GRB2: variants seen among roughly 807,000 people sequenced by gnomAD.
GRB2 encodes growth factor receptor bound protein 2.
Under a neutral mutation model 27.4 loss-of-function variants are expected in GRB2, and 2 were observed. The observed-to-expected ratio is 0.07, with a 90% confidence interval of 0.03 to 0.23. GRB2 has a LOEUF of 0.23. GRB2 is among the 10% of genes least tolerant of loss of function. GRB2 has a pLI of 1.00. For synonymous variants in GRB2, 94 were observed against 99.6 expected (o/e 0.94, Z 0.33); for missense variants, 102 against 282.4 (o/e 0.36, Z 4.58).
chr17:75,392,905 C>T (rs2079007494), intron 2 of GRB2, among the ~76,000 whole-genome samples: 1 of 152,160 alleles, frequency 6.6e-6, no homozygotes, highest in Non-Finnish European at 1.5e-5. Context: ...GGTTTCTTTT[C>T]GTGCAATTAG....
rs775535235 is a variant in GRB2 at position 75,332,828 on chromosome 17, A to C, written c.79-31T>G. 3 of 1,350,442 alleles carry C rather than the reference A, an allele frequency of 2.2e-6. No individual in the cohort carries two copies. In the Admixed American group the frequency reaches 5.4e-5, roughly 24 times the overall value. 83.7% of individuals were successfully genotyped at this position (1,350,442 alleles called of 1,614,324 possible). ...AAGAAATAAGACAACAAAAAAACCC[A>C]ATCATTTCCTTTTCCCTTTAAAAAG... On this transcript the variant is annotated intron_variant, in intron 2 of 5. Transcript: ENST00000316804.
chr17:75,397,933 C>CT (rs1331851192), intron 1 of GRB2, among the ~76,000 whole-genome samples: 3 of 151,940 alleles, frequency 2.0e-5, no homozygotes, highest in Non-Finnish European at 4.4e-5. Context: ...CCTCCGCCTC[C>CT]TAGGATCAAG....
chr17:75,352,834 C>G (rs1487190910), intron 2 of GRB2, among the ~76,000 whole-genome samples: 1 of 151,614 alleles, frequency 6.6e-6, no homozygotes. Context: ...TTTTCATCAT[C>G]AAGCTCACAA....
intron 2 of GRB2, among the ~76,000 whole-genome samples, chr17:75,345,266 G>A (rs528873239): frequency 3.5e-4 from 53 of 152,030 alleles, no homozygotes; most frequent in South Asian, 2.5e-3. Context: ...GGATGGTCTC[G>A]ATCTCCTGAC....
At chr17:75,355,545 G>C (rs1440865503) in intron 2 of GRB2, among the ~76,000 whole-genome samples, 1 of 129,632 alleles carries the variant, frequency 7.7e-6, no homozygotes, top group Admixed American at 8.3e-5. Flanking sequence ...GGCCATACTG[G>C]AAAAAAAAAA....
chr17:75,327,187 C>A lies in GRB2; in HGVS notation c.177-1167G>T, dbSNP rs144488825. On this transcript the variant is annotated intron_variant, in intron 3 of 5. Transcript: ENST00000316804. Reference sequence around the variant, plus strand: ...GTTCACGCCATTCTCCTGCCTCAGCCTCCCAAGTAGCTGAGCAGCTGGGAC... The same window carrying A: ...GTTCACGCCATTCTCCTGCCTCAGCATCCCAAGTAGCTGAGCAGCTGGGAC... Among the ~76,000 whole-genome samples the A allele has an allele frequency of 8.8e-3, 1,322 of 150,600 alleles. 18 individuals are homozygous for A. Among genetic ancestry groups the A allele is most frequent in the African/African-American group, 0.03 (1,246 of 40,932 alleles).
intron 2 of GRB2, among the ~76,000 whole-genome samples, chr17:75,337,923 T>C (rs1462197068): frequency 1.4e-5 from 2 of 145,400 alleles, no homozygotes; most frequent in Non-Finnish European, 3.0e-5. Flanking sequence ...TTATTATTAT[T>C]ATTATTATTA....
intron 1 of GRB2, among the ~76,000 whole-genome samples, chr17:75,403,238 A>C (rs1446247168): frequency 6.6e-6 from 1 of 151,072 alleles, no homozygotes; most frequent in Non-Finnish European, 1.5e-5. Context: ...TGAATTAAGC[A>C]AGTATTAATT....
intron 2 of GRB2, among the ~76,000 whole-genome samples, chr17:75,366,167 G>GA (rs373030168): frequency 0.022 from 3,254 of 148,524 alleles, 116 homozygotes; most frequent in African/African-American, 0.075. Context: ...GCAGAACTTG[G>GA]AAAAAAAAAA....
intron 2 of GRB2, among the ~76,000 whole-genome samples, chr17:75,368,613 G>A (rs562244015): frequency 2.0e-5 from 3 of 151,144 alleles, no homozygotes; most frequent in Non-Finnish European, 4.4e-5. Flanking sequence ...ATAGCTCACT[G>A]CAGTCTCAAC....
chr17:75,357,160 C>A (rs539625359), intron 2 of GRB2, among the ~76,000 whole-genome samples: 1 of 152,316 alleles, frequency 6.6e-6, no homozygotes, highest in South Asian at 2.1e-4. Context: ...GAATTAGCAT[C>A]ATTAAAATGT....
intron 2 of GRB2, among the ~76,000 whole-genome samples, chr17:75,358,716 A>AC: frequency 6.8e-6 from 1 of 146,354 alleles, no homozygotes; most frequent in South Asian, 2.1e-4. Context: ...AAAAAAAAAA[A>AC]AAAAAAAAAA....
chr17:75,340,387 T>C (rs975033033), intron 2 of GRB2, among the ~76,000 whole-genome samples: 9 of 152,212 alleles, frequency 5.9e-5, no homozygotes, highest in African/African-American at 2.2e-4. Flanking sequence ...CAGATAAAAC[T>C]AGTCTAACTC....
intron 2 of GRB2, among the ~76,000 whole-genome samples, chr17:75,355,093 C>T (rs940214857): frequency 6.6e-6 from 1 of 152,322 alleles, no homozygotes; most frequent in South Asian, 2.1e-4. Context: ...CAGGCGTGAG[C>T]CACCGCGCCT....
intron 2 of GRB2, among the ~76,000 whole-genome samples, chr17:75,335,861 A>G (rs2078573740): frequency 1.3e-5 from 2 of 152,228 alleles, no homozygotes; most frequent in Non-Finnish European, 2.9e-5. Flanking sequence ...ATAAAACAAT[A>G]TATGCAAGGT....
intron 2 of GRB2, among the ~76,000 whole-genome samples, chr17:75,386,505 G>A (rs569961519): frequency 1.3e-3 from 194 of 152,260 alleles, no homozygotes; most frequent in African/African-American, 4.5e-3. Context: ...GACAATATTG[G>A]TAAAAATCTC....
intron 2 of GRB2, among the ~76,000 whole-genome samples, chr17:75,356,812 A>G (rs2078736933): frequency 1.3e-5 from 2 of 152,184 alleles, no homozygotes; most frequent in Non-Finnish European, 2.9e-5. Flanking sequence ...CTTGGCTTCC[A>G]AGACACATCA....
At chr17:75,346,775 TGGCCA>T (rs543659048) in intron 2 of GRB2, among the ~76,000 whole-genome samples, 138 of 152,068 alleles carry the variant, frequency 9.1e-4, no homozygotes, top group Middle Eastern at 3.4e-3. Context: ...TTCATCATGT[TGGCCA>T]GGCTAGTCTC....
chr17:75,384,255 C>G (rs1285891497), intron 2 of GRB2, among the ~76,000 whole-genome samples: 1 of 152,222 alleles, frequency 6.6e-6, no homozygotes, highest in Non-Finnish European at 1.5e-5. Flanking sequence ...GGTTAAATCT[C>G]AACGCTTAAG....
Sources: gnomAD v4.1 joint callset for allele counts (sites outside exome capture counted in the v4.1 genomes callset) on GRCh38, gnomAD v4.1.1 for gene constraint, MANE v1.5 for transcripts, NCBI Gene and HGNC (gene_info 2026-07-23, HGNC 2026-07-21) for gene names.